HSD17B14: variants seen among roughly 807,000 people sequenced by gnomAD.
The protein encoded by HSD17B14 is L-fucose dehydrogenase.
In HSD17B14, 32 loss-of-function variants were observed where a neutral mutation model predicts 32.2. That is an observed-to-expected ratio of 0.99 (90% CI 0.75 to 1.33). The LOEUF is 1.33. Ranked by LOEUF, HSD17B14 falls within the 40% of genes most tolerant of loss-of-function variation. The pLI is 0.00. For synonymous variants in HSD17B14, 140 were observed against 155.4 expected (o/e 0.90, Z 0.74); for missense variants, 370 against 366.5 (o/e 1.01, Z -0.08).
At chr19:48,835,699 C>T (rs1315267168) in intron 2 of HSD17B14, 106 bp downstream of exon 2, 2 of 1,087,888 alleles carry the variant, frequency 1.8e-6, no homozygotes, top group African/African-American at 1.7e-5. Flanking sequence ...GGAAGTAGGG[C>T]CTGGGGGCCT....
chr19:48,816,426 C>G (rs1262628708), intron 5 of HSD17B14, among the ~76,000 whole-genome samples: 1 of 152,196 alleles, frequency 6.6e-6, no homozygotes, highest in African/African-American at 2.4e-5. Context: ...GGCCTTTGAA[C>G]TTGCTGTTCC....
In HSD17B14 at chr19:48,836,367, G is replaced by C. The variant is rs1010596934; in HGVS notation, c.45C>G (p.Thr15=). The change falls in exon 1 of 9, where the codon ACC becomes ACG. Residue 15 remains threonine, a synonymous_variant. Coordinates refer to ENST00000263278, the MANE Select transcript of HSD17B14 (RefSeq NM_016246.3). The part of the protein sequence containing the change: ...TRYAGKVVVV[T]GGGRGIGAGI... Reference sequence around the variant, plus strand: ...CAGCTCCGATGCCGCGCCCGCCCCCGGTCACGACCACCACCTTCCCGGCAT... The same window carrying C: ...CAGCTCCGATGCCGCGCCCGCCCCCCGTCACGACCACCACCTTCCCGGCAT... 1 of 1,612,100 alleles carries C rather than the reference G, an allele frequency of 6.2e-7. No homozygotes were observed. The highest frequency in any genetic ancestry group is 8.5e-7 in the Non-Finnish European group (1 of 1,179,404).
In HSD17B14 at chr19:48,814,850, AAAG is replaced by A. The variant is rs869290141; in HGVS notation, c.474+184_474+186del. Among the ~76,000 whole-genome samples the A allele has an allele frequency of 1.2e-4, 15 of 123,016 alleles. 1 individual carries two copies. The highest frequency in any genetic ancestry group is 1.7e-4 in the Admixed American group (2 of 11,910). 80.7% of individuals were successfully genotyped at this position (123,016 alleles called of 152,430 possible). On this transcript the variant is annotated intron_variant, in intron 6 of 8. Transcript: ENST00000263278. ...CGAGACTCCATCTTTAAAAAAAAAA[AAAG>A]AAAAGAAAAGAAAAAACAGAAATCT...
At position 48,836,094 on chromosome 19, in the gene HSD17B14, G is replaced by GT. The variant is rs200830949; in HGVS notation, c.88+229dup. On this transcript the variant is annotated intron_variant, in intron 1 of 8. Coordinates refer to ENST00000263278, the MANE Select transcript of HSD17B14 (RefSeq NM_016246.3). Reference sequence around the variant, plus strand: ...GACAGAGCCATTCCTCAAACCACTGGTTTTGTAGCTACACCAACAGACCCA... The same window carrying GT: ...GACAGAGCCATTCCTCAAACCACTGGTTTTTGTAGCTACACCAACAGACCCA... Among the ~76,000 whole-genome samples the GT allele has an allele frequency of 4.5e-4, 68 of 152,188 alleles. No individual in the cohort carries two copies. In the East Asian group the frequency reaches 0.012, roughly 27 times the overall value.
At chr19:48,826,117 G>C (rs114961547) in intron 5 of HSD17B14, among the ~76,000 whole-genome samples, 9,871 of 152,120 alleles carry the variant, frequency 0.065, 1,074 homozygotes, top group African/African-American at 0.22. Context: ...ACCGTGCCCA[G>C]CCCAACTTGA....
intron 5 of HSD17B14, among the ~76,000 whole-genome samples, chr19:48,819,404 A>C (rs2035109825): frequency 6.6e-6 from 1 of 152,210 alleles, no homozygotes; most frequent in Non-Finnish European, 1.5e-5. Flanking sequence ...TAACAGGATC[A>C]CATCACTCCC....
At chr19:48,817,431 G>A (rs143779029) in intron 5 of HSD17B14, among the ~76,000 whole-genome samples, 20 of 152,024 alleles carry the variant, frequency 1.3e-4, no homozygotes, top group South Asian at 4.2e-4. Flanking sequence ...TGCCTGCTTC[G>A]GCCTCCCAAA....
intron 5 of HSD17B14, among the ~76,000 whole-genome samples, chr19:48,826,542 T>TATATATATATATATATATATAC: frequency 2.0e-4 from 16 of 80,108 alleles, no homozygotes; most frequent in African/African-American, 4.2e-4. Context: ...TATATATATA[T>TATATATATATATATATATATAC]ACACACACAC....
chr19:48,821,228 T>A (rs1306456105), intron 5 of HSD17B14, among the ~76,000 whole-genome samples: 1 of 152,046 alleles, frequency 6.6e-6, no homozygotes, highest in African/African-American at 2.4e-5. Context: ...TTAGCCAGGA[T>A]GGTCTCGATC....
Position 48,813,181 on chromosome 19 carries a change from A to G in HSD17B14, c.807T>C (p.Pro269=), listed in dbSNP as rs193197957. 1.3e-5 allele frequency: 21 copies of G among 1,587,566 alleles called. No homozygotes were observed. The East Asian group carries it at 4.0e-4, about 31-fold the overall frequency. The change falls in exon 9 of 9, where the codon CCT becomes CCC. Residue 269 remains proline (P), a synonymous_variant. Transcript: ENST00000263278. ...CAAGTAGAAATGAGAGAAATCAGGAAGGGATATCGGGGGCGTCCACGGGGG... is the reference window on the plus strand; with the variant it reads ...CAAGTAGAAATGAGAGAAATCAGGAGGGGATATCGGGGGCGTCCACGGGGG... The part of the protein sequence containing the change: ...RSTPVDAPDI[P]S
chr19:48,832,636 GGAGAA>G, intron 4 of HSD17B14, 25 bp downstream of exon 4: 1 of 1,600,026 alleles, frequency 6.2e-7, no homozygotes, highest in Non-Finnish European at 8.6e-7. Flanking sequence ...GGCAGGAGGT[GGAGAA>G]TGGCCCTGGG....
chr19:48,835,356 C>T (rs2035468557), intron 2 of HSD17B14, among the ~76,000 whole-genome samples: 1 of 107,546 alleles, frequency 9.3e-6, no homozygotes, highest in African/African-American at 4.0e-5. Context: ...ACTCCTGGGT[C>T]TGAGGGAGGA....
chr19:48,817,615 G>C (rs563197615), intron 5 of HSD17B14, among the ~76,000 whole-genome samples: 2 of 152,156 alleles, frequency 1.3e-5, no homozygotes, highest in Admixed American at 1.3e-4. Flanking sequence ...TTCATGTTCT[G>C]TCTCTCCCAC....
At position 48,813,709 on chromosome 19, in the gene HSD17B14, T is replaced by C. The variant is rs1468276675; in HGVS notation, c.496A>G (p.Lys166Glu). 6.2e-7 allele frequency: 1 copy of C among 1,614,046 alleles called. No homozygotes were observed. The highest frequency in any genetic ancestry group is 2.2e-5 in the East Asian group (1 of 44,900). ...GGACTTTCATCCAGGGCCAAAGCTT[T>C]GGTCATGGCTGTTACTGCCCCCTGC... ...ATKGAVTAMTKALALDESPYG... is the reference protein window; with the variant it reads ...ATKGAVTAMTEALALDESPYG... Residue 166 changes from lysine to glutamate, a missense_variant, in exon 7 of 9, where the codon AAA becomes GAA. By Grantham distance (56) the Lys-to-Glu change is moderately conservative. Transcript: ENST00000263278.
At chr19:48,826,712 A>G (rs1453613867) in intron 5 of HSD17B14, among the ~76,000 whole-genome samples, 1 of 150,504 alleles carries the variant, frequency 6.6e-6, no homozygotes, top group Non-Finnish European at 1.5e-5. Context: ...GGATTGCCCA[A>G]CCTCCCGGGA....
Position 48,813,322 on chromosome 19 carries a change from A to T in HSD17B14, c.666T>A (p.Ala222=). 2.5e-6 allele frequency: 4 copies of T among 1,593,522 alleles called. No homozygotes were observed. Among genetic ancestry groups the T allele is most frequent in the Non-Finnish European group, 3.4e-6 (4 of 1,170,102 alleles). The change falls in exon 9 of 9, where the codon GCT becomes GCA. Residue 222 remains alanine, a synonymous_variant. Transcript: ENST00000263278. ...GGAACACTGCCGCAGCCCCGACCTC[A>T]GCGGGCTGGCCCATGCGGCCCAGTG... ...AQPLGRMGQP[A]EVGAAAVFLA... is the part of the protein sequence containing the mutation.
In HSD17B14 at chr19:48,831,714, C is replaced by T. The variant is rs1417910002; in HGVS notation, c.323G>A (p.Arg108His). Residue 108 changes from arginine to histidine, a missense_variant, in exon 5 of 9, where the codon CGC (arginine) becomes CAC (histidine). Coordinates refer to ENST00000263278, the MANE Select transcript of HSD17B14 (RefSeq NM_016246.3). ...RPEETSAQGFRQLLELNLLGT... is the reference protein window; with the variant it reads ...RPEETSAQGFHQLLELNLLGT... ...CAGTAGGTTCAGCTCCAGCAGCTGG[C>T]GGAATCCCTGGGCAGAGGTCTCCTC... 1.1e-5 allele frequency: 17 copies of T among 1,613,424 alleles called. No homozygotes were observed. The highest frequency in any genetic ancestry group is 5.5e-5 in the South Asian group (5 of 91,038).
intron 5 of HSD17B14, among the ~76,000 whole-genome samples, chr19:48,828,286 G>A (rs2035283928): frequency 6.6e-6 from 1 of 152,168 alleles, no homozygotes; most frequent in Non-Finnish European, 1.5e-5. Flanking sequence ...TTGAACTATA[G>A]AGTGTGTGAC....
intron 5 of HSD17B14, among the ~76,000 whole-genome samples, chr19:48,827,269 C>T (rs547565071): frequency 6.6e-6 from 1 of 152,048 alleles, no homozygotes; most frequent in East Asian, 1.9e-4. Context: ...TCTCGAACTC[C>T]TGACCTCATG....
Sources: allele counts gnomAD v4.1 joint callset (sites outside exome capture counted in the v4.1 genomes callset), GRCh38; gene constraint gnomAD v4.1.1; transcripts MANE v1.5; gene names NCBI Gene and HGNC (gene_info 2026-07-23, HGNC 2026-07-21).